Variants in NBAS observed in about 807,000 individuals in gnomAD.
NBAS encodes NBAS subunit of NRZ tethering complex.
In NBAS, 219 loss-of-function variants were observed where a neutral mutation model predicts 302.5. That is an observed-to-expected ratio of 0.72 (90% CI 0.65 to 0.81). The LOEUF (loss-of-function observed/expected upper bound fraction) is 0.81. Among genes scored for constraint, NBAS ranks in the 30% least tolerant of loss-of-function variants. The pLI is 0.00. For synonymous variants in NBAS, 1,118 were observed against 1,021.6 expected (o/e 1.09, Z -1.80); for missense variants, 2,932 against 2,841.6 (o/e 1.03, Z -0.72).
chr2:15,020,655 G>C, the NBAS span, among the ~76,000 whole-genome samples: 1 of 152,206 alleles, frequency 6.6e-6, no homozygotes, highest in Non-Finnish European at 1.5e-5. Context: ...ACTCCTGAGA[G>C]CAAGAGTGAA....
the NBAS span, among the ~76,000 whole-genome samples, chr2:15,073,984 T>C: frequency 2.6e-5 from 4 of 152,190 alleles, no homozygotes; most frequent in East Asian, 7.7e-4. Context: ...TTATAGTTCA[T>C]TGTGGATAAA....
At chr2:15,482,100 C>G (rs1251794477) in intron 12 of NBAS, among the ~76,000 whole-genome samples, 7 of 152,150 alleles carry the variant, frequency 4.6e-5, no homozygotes, top group Non-Finnish European at 1.0e-4. Flanking sequence ...TTCATCAAAA[C>G]TAAGCATAAA....
the NBAS span, among the ~76,000 whole-genome samples, chr2:14,945,980 C>T: frequency 6.6e-6 from 1 of 152,088 alleles, no homozygotes; most frequent in Non-Finnish European, 1.5e-5. Context: ...ATTGGGGAGG[C>T]TGAGGCATTT....
Position 15,308,243 on chromosome 2 carries a change from G to C in NBAS, c.4770C>G (p.Phe1590Leu). The C allele has an allele frequency of 6.2e-7, 1 of 1,614,196 alleles. No individual in the cohort carries two copies. The highest frequency in any genetic ancestry group is 1.1e-5 in the South Asian group (1 of 91,084). Residue 1590 changes from phenylalanine (F) to leucine (L), a missense_variant, in exon 40 of 52, where the codon TTC (phenylalanine) becomes TTG (leucine). Coordinates refer to ENST00000281513, the MANE Select transcript of NBAS (RefSeq NM_015909.4). ...LQIYARLAPC[F>L]RDKCHPLYRA... ...TGTAAAGAGGATGGCACTTGTCCCTGAAACATGGGGCCAATCGGGCATAGA... is the reference window on the plus strand; with the variant it reads ...TGTAAAGAGGATGGCACTTGTCCCTCAAACATGGGGCCAATCGGGCATAGA...
chr2:15,015,405 C>T, the NBAS span, among the ~76,000 whole-genome samples: 1 of 152,192 alleles, frequency 6.6e-6, no homozygotes, highest in East Asian at 1.9e-4. Flanking sequence ...TACTAGCAAC[C>T]TGAATCCAAC....
intron 22 of NBAS, 145 bp from the exon 23 acceptor site, chr2:15,424,613 C>A: frequency 1.2e-6 from 1 of 863,624 alleles, no homozygotes. Flanking sequence ...CTATCACATG[C>A]ACACGCACCC....
chr2:15,315,564 G>A (rs892188053), intron 38 of NBAS, among the ~76,000 whole-genome samples: 1 of 152,204 alleles, frequency 6.6e-6, no homozygotes, highest in Non-Finnish European at 1.5e-5. Flanking sequence ...ATATATGCCT[G>A]GTCTCCAGCA....
chr2:15,115,334 A>C, the NBAS span, among the ~76,000 whole-genome samples: 2 of 152,368 alleles, frequency 1.3e-5, no homozygotes, highest in South Asian at 4.1e-4. Context: ...TTAGACGCTG[A>C]CATACACAGT....
At chr2:15,276,226 C>A (rs912617250) in intron 43 of NBAS, among the ~76,000 whole-genome samples, 2 of 152,190 alleles carry the variant, frequency 1.3e-5, no homozygotes, top group African/African-American at 4.8e-5. Flanking sequence ...ATTCCCTTAT[C>A]CTCTGTGTCT....
chr2:15,025,784 G>A, the NBAS span, among the ~76,000 whole-genome samples: 1 of 152,016 alleles, frequency 6.6e-6, no homozygotes, highest in Non-Finnish European at 1.5e-5. Context: ...CAGTGTATAG[G>A]ATTGCTTTTT....
rs1677361700 is a variant in NBAS, at chr2:15,424,389, T to A, written c.2503A>T (p.Thr835Ser). The A allele has an allele frequency of 6.2e-7, 1 of 1,614,058 alleles. No individual in the cohort carries two copies. The highest frequency in any genetic ancestry group is 1.3e-5 in the African/African-American group (1 of 74,926). ...AQPELLRFRMTQLTVEKVMDW... is the reference protein window; with the variant it reads ...AQPELLRFRMSQLTVEKVMDW... ...ATAACCTTCTCCACCGTAAGCTGGG[T>A]CATCCTGAACCTTAGTAACTCAGGC... The change falls in exon 23 of 52, where the codon ACC becomes TCC. Residue 835 changes from threonine to serine, a missense_variant. Physicochemically the swap from Thr to Ser is moderately conservative, Grantham distance 58. Coordinates refer to ENST00000281513, the MANE Select transcript of NBAS (RefSeq NM_015909.4).
chr2:14,802,373 T>C, the NBAS span, among the ~76,000 whole-genome samples: 1 of 151,118 alleles, frequency 6.6e-6, no homozygotes, highest in Admixed American at 6.6e-5. Flanking sequence ...TTCTGTTCCA[T>C]TGATCTATAT....
At chr2:15,438,892 C>T (rs527686797) in intron 21 of NBAS, among the ~76,000 whole-genome samples, 1 of 152,322 alleles carries the variant, frequency 6.6e-6, no homozygotes, top group South Asian at 2.1e-4. Context: ...AAGAACATCC[C>T]TGGACCTCAC....
At chr2:15,386,942 CA>C (rs1447785919) in intron 28 of NBAS, among the ~76,000 whole-genome samples, 2 of 151,962 alleles carry the variant, frequency 1.3e-5, no homozygotes, top group African/African-American at 4.8e-5. Flanking sequence ...CCCTCTGGAC[CA>C]GGGAGGTACG....
chr2:15,350,496 C>T (rs891926654), intron 35 of NBAS, among the ~76,000 whole-genome samples: 2 of 152,148 alleles, frequency 1.3e-5, no homozygotes, highest in Admixed American at 1.3e-4. Context: ...GCTAATTCTA[C>T]GTTTCTAGAA....
At chr2:15,163,728 G>A (rs1663949084), downstream of NBAS, among the ~76,000 whole-genome samples, 1 of 151,908 alleles carries the variant, frequency 6.6e-6, no homozygotes, top group African/African-American at 2.4e-5. Context: ...TATGAGGGGA[G>A]GTTTGGATGA....
chr2:15,242,787 T>C (rs562729816), intron 44 of NBAS, among the ~76,000 whole-genome samples: 1 of 152,124 alleles, frequency 6.6e-6, no homozygotes, highest in African/African-American at 2.4e-5. Context: ...TTTTAACTGT[T>C]CCCTGCAGCA....
chr2:15,207,169 C>T (rs906677934), intron 48 of NBAS, among the ~76,000 whole-genome samples: 16 of 152,138 alleles, frequency 1.1e-4, no homozygotes, highest in East Asian at 1.9e-4. Flanking sequence ...CTTGCATGAC[C>T]GAGCCCTGGA....
chr2:14,996,249 G>T, the NBAS span, among the ~76,000 whole-genome samples: 2 of 152,160 alleles, frequency 1.3e-5, no homozygotes, highest in Admixed American at 6.5e-5. Context: ...TTCGTCTTAA[G>T]TGCCAGGAGT....
Sources: allele counts gnomAD v4.1 joint callset (sites outside exome capture counted in the v4.1 genomes callset), GRCh38; gene constraint gnomAD v4.1.1; transcripts MANE v1.5; gene names NCBI Gene and HGNC (gene_info 2026-07-23, HGNC 2026-07-21).